PDLIM5: variants seen among roughly 807,000 people sequenced by gnomAD.
PDLIM5 encodes the protein PDZ and LIM domain 5, also known as PDZ and LIM domain protein 5.
A neutral mutation model predicts 64.2 loss-of-function variants in PDLIM5; 34 were observed. That is an observed-to-expected ratio of 0.53 (90% CI 0.40 to 0.71). The LOEUF (loss-of-function observed/expected upper bound fraction) is 0.71, where lower values mean the gene tolerates loss of function less well. PDLIM5 is among the 30% of genes least tolerant of loss of function. The pLI, the probability that PDLIM5 is intolerant of heterozygous loss-of-function variation, is 0.00. For missense variants in PDLIM5, 683 were observed against 733.6 expected, an observed-to-expected ratio of 0.93 and a Z score of 0.80; for synonymous variants, 253 against 269.1, an observed-to-expected ratio of 0.94 and a Z score of 0.59.
At chr4:94,522,969 A>G (rs1179522082) in intron 2 of PDLIM5, among the ~76,000 whole-genome samples, 1 of 148,730 alleles carries the variant, frequency 6.7e-6, no homozygotes, top group Non-Finnish European at 1.5e-5. Context: ...GTCACTTAGT[A>G]TAATATATCT....
Position 94,605,920 on chromosome 4 carries a change from C to T in PDLIM5, c.921-12084C>T, listed in dbSNP as rs543707932. ...GTAGATATTGATAATAATTTATAACCATATTTTCTTTTTTCCTGAAATATT... is the reference window on the plus strand; with the variant it reads ...GTAGATATTGATAATAATTTATAACTATATTTTCTTTTTTCCTGAAATATT... On this transcript the variant is annotated intron_variant, in intron 7 of 12. Coordinates refer to ENST00000317968, the MANE Select transcript of PDLIM5 (RefSeq NM_006457.5). 8.0e-5 allele frequency among the ~76,000 whole-genome samples: 12 copies of T among 150,520 alleles called. No homozygotes were observed. In the South Asian group the frequency reaches 2.5e-3, roughly 32 times the overall value.
chr4:94,522,581 G>A (rs557399596), intron 2 of PDLIM5, among the ~76,000 whole-genome samples: 1 of 152,138 alleles, frequency 6.6e-6, no homozygotes, highest in East Asian at 1.9e-4. Flanking sequence ...TCACCATGTT[G>A]GCCAGGCTGG....
intron 11 of PDLIM5, 46 bp from the exon 12 acceptor site, chr4:94,662,376 A>T: frequency 3.4e-6 from 3 of 872,482 alleles, no homozygotes; most frequent in Non-Finnish European, 5.8e-6. Context: ...TCATTCTAAA[A>T]CTTCATCATG....
intron 7 of PDLIM5, among the ~76,000 whole-genome samples, chr4:94,592,756 A>G (rs1736765736): frequency 6.6e-6 from 1 of 152,006 alleles, no homozygotes; most frequent in African/African-American, 2.4e-5. Context: ...CCTCCCAAGT[A>G]GCTGGAACTA....
At chr4:94,471,270 A>G (rs1724847276) in intron 2 of PDLIM5, among the ~76,000 whole-genome samples, 1 of 152,144 alleles carries the variant, frequency 6.6e-6, no homozygotes, top group Non-Finnish European at 1.5e-5. Context: ...ACCAACTTAT[A>G]AATTACCTGT....
intron 7 of PDLIM5, among the ~76,000 whole-genome samples, chr4:94,589,154 C>G (rs1373904071): frequency 6.6e-6 from 1 of 151,994 alleles, no homozygotes; most frequent in African/African-American, 2.4e-5. Flanking sequence ...GGAATTAAAG[C>G]CTCATAAAAA....
At chr4:94,637,489 G>A (rs1279132376) in intron 8 of PDLIM5, among the ~76,000 whole-genome samples, 1 of 152,208 alleles carries the variant, frequency 6.6e-6, no homozygotes, top group Non-Finnish European at 1.5e-5. Flanking sequence ...AACCCTGGAG[G>A]TGGAGGTTGC....
At chr4:94,468,497 A>G (rs887022037) in intron 2 of PDLIM5, among the ~76,000 whole-genome samples, 2 of 152,176 alleles carry the variant, frequency 1.3e-5, no homozygotes, top group African/African-American at 4.8e-5. Context: ...GAGAAGACAT[A>G]AAAAGGAAAG....
At chr4:94,611,102 GGATGCACTTT>G (rs763308538) in intron 7 of PDLIM5, 3 of 1,533,716 alleles carry the variant, frequency 2.0e-6, no homozygotes, top group Non-Finnish European at 2.6e-6. Flanking sequence ...ACTCACTCCT[GGATGCACTTT>G]GCATCAGCCC....
chr4:94,467,057 A>G (rs958927953), intron 2 of PDLIM5, among the ~76,000 whole-genome samples: 2 of 152,206 alleles, frequency 1.3e-5, no homozygotes, highest in Non-Finnish European at 2.9e-5. Context: ...TTTGGACTCC[A>G]TGTTAGATTT....
At chr4:94,585,423 G>A (rs375959053) in intron 5 of PDLIM5, 142 bp from the exon 6 acceptor site, 60 of 538,638 alleles carry the variant, frequency 1.1e-4, no homozygotes, top group East Asian at 8.0e-4. Context: ...ACTTGAGACC[G>A]AATATACTTG....
chr4:94,509,312 A>G (rs1419112338), intron 2 of PDLIM5, among the ~76,000 whole-genome samples: 1 of 152,062 alleles, frequency 6.6e-6, no homozygotes, highest in Non-Finnish European at 1.5e-5. Flanking sequence ...ATTTCTTGGC[A>G]TTTTCAGTAC....
intron 2 of PDLIM5, among the ~76,000 whole-genome samples, chr4:94,474,186 T>A (rs1036741619): frequency 6.6e-6 from 1 of 152,218 alleles, no homozygotes; most frequent in Non-Finnish European, 1.5e-5. Context: ...GAAGGCTTTC[T>A]TGGGAAACTT....
intron 7 of PDLIM5, chr4:94,587,188 G>T (rs1172951976): frequency 8.3e-6 from 12 of 1,444,688 alleles, no homozygotes; most frequent in Middle Eastern, 1.8e-4. Context: ...TGAAAAAATA[G>T]AACTTTTTCT....
chr4:94,627,738 T>C (rs538774922), intron 8 of PDLIM5, among the ~76,000 whole-genome samples: 2 of 152,360 alleles, frequency 1.3e-5, no homozygotes, highest in South Asian at 4.1e-4. Context: ...AGAAAAAGTT[T>C]TGTTAACACT....
At chr4:94,484,726 G>A (rs1291111896) in intron 2 of PDLIM5, among the ~76,000 whole-genome samples, 5 of 152,108 alleles carry the variant, frequency 3.3e-5, no homozygotes, top group Non-Finnish European at 5.9e-5. Flanking sequence ...GTTTGAAGTC[G>A]GATGTTCTGG....
At chr4:94,467,160 T>C (rs1201746004) in intron 2 of PDLIM5, among the ~76,000 whole-genome samples, 2 of 152,216 alleles carry the variant, frequency 1.3e-5, no homozygotes, top group Non-Finnish European at 2.9e-5. Flanking sequence ...CGAGTCTTAT[T>C]TATTCAAGAT....
At chr4:94,617,055 A>G (rs1282590824) in intron 7 of PDLIM5, among the ~76,000 whole-genome samples, 1 of 152,236 alleles carries the variant, frequency 6.6e-6, no homozygotes, top group East Asian at 1.9e-4. Flanking sequence ...AAGTGCTGGG[A>G]TTACAGGCAT....
At chr4:94,486,168 C>T (rs1395606093) in intron 2 of PDLIM5, among the ~76,000 whole-genome samples, 3 of 152,092 alleles carry the variant, frequency 2.0e-5, no homozygotes, top group Admixed American at 6.5e-5. Context: ...TTAGTATTAG[C>T]ATTTCTTTCC....
Sources: allele counts gnomAD v4.1 joint callset (sites outside exome capture counted in the v4.1 genomes callset), GRCh38; gene constraint gnomAD v4.1.1; transcripts MANE v1.5; gene names NCBI Gene and HGNC (gene_info 2026-07-23, HGNC 2026-07-21).